The following LRP1B variants were observed in gnomAD, a reference collection of about 807,000 sequenced individuals.
LRP1B encodes the protein LDL receptor related protein 1B.
LRP1B carries 217 observed loss-of-function variants against 556.6 expected under a neutral mutation model. The ratio of observed to expected loss-of-function variants is 0.39; its 90% CI spans 0.35 to 0.44. The LOEUF is 0.44. Among genes scored for constraint, LRP1B ranks in the 20% least tolerant of loss-of-function variants. The pLI, the probability that LRP1B is intolerant of heterozygous loss-of-function variation, is 1.00. For missense variants in LRP1B, 5,053 were observed against 5,620.8 expected (o/e 0.90, Z 3.23); for synonymous variants, 2,047 against 1,865.8 (o/e 1.10, Z -2.50).
At chr2:141,081,035 G>A (rs563201731) in intron 7 of LRP1B, among the ~76,000 whole-genome samples, 1 of 152,206 alleles carries the variant, frequency 6.6e-6, no homozygotes, top group South Asian at 2.1e-4. Context: ...GTTTTGCCAT[G>A]TTTCCCAGGC....
At chr2:140,936,681 G>A (rs750360474) in intron 20 of LRP1B, among the ~76,000 whole-genome samples, 4 of 140,844 alleles carry the variant, frequency 2.8e-5, no homozygotes, top group Non-Finnish European at 6.5e-5. Flanking sequence ...TATACTTCTT[G>A]TTTCCTACAT....
At chr2:140,484,279 C>T (rs997822724) in intron 59 of LRP1B, among the ~76,000 whole-genome samples, 1 of 152,056 alleles carries the variant, frequency 6.6e-6, no homozygotes, top group Admixed American at 6.6e-5. Flanking sequence ...TTAATGTATA[C>T]AGTTAAGCTA....
intron 66 of LRP1B, among the ~76,000 whole-genome samples, chr2:140,398,927 C>T (rs1684372638): frequency 6.6e-6 from 1 of 152,030 alleles, no homozygotes; most frequent in African/African-American, 2.4e-5. Context: ...GTCAGAATTA[C>T]ATTTTTTTAA....
At chr2:140,442,059 T>C (rs769670859) in intron 66 of LRP1B, among the ~76,000 whole-genome samples, 1 of 152,330 alleles carries the variant, frequency 6.6e-6, no homozygotes, top group Non-Finnish European at 1.5e-5. Flanking sequence ...ACAGATGCTT[T>C]TTATTATCTT....
chr2:140,732,891 T>C (rs1229310268), intron 35 of LRP1B, among the ~76,000 whole-genome samples: 1 of 152,290 alleles, frequency 6.6e-6, no homozygotes, highest in African/African-American at 2.4e-5. Context: ...AAGTTTGTGA[T>C]AGAACATCTT....
At chr2:140,539,841 A>C (rs1680068509) in intron 45 of LRP1B, among the ~76,000 whole-genome samples, 1 of 152,194 alleles carries the variant, frequency 6.6e-6, no homozygotes, top group Non-Finnish European at 1.5e-5. Context: ...GAAATTGGCC[A>C]TCTGCATTTA....
At chr2:141,020,353 G>T (rs1698030455) in intron 11 of LRP1B, among the ~76,000 whole-genome samples, 2 of 151,920 alleles carry the variant, frequency 1.3e-5, no homozygotes, top group Non-Finnish European at 2.9e-5. Context: ...ATTAATCATG[G>T]TCATTAACTC....
chr2:141,697,320 C>T (rs2105455556), intron 2 of LRP1B, among the ~76,000 whole-genome samples: 1 of 151,990 alleles, frequency 6.6e-6, no homozygotes, highest in Admixed American at 6.6e-5. Flanking sequence ...AAATAAGGAT[C>T]ATAAAACATA....
Position 140,838,728 on chromosome 2 carries a change from T to A in LRP1B, c.5209+1263A>T, listed in dbSNP as rs552725813. ...TATCCCATCATTTGCATCTTTATGA[T>A]AATAATATCAAAATTGAGGCTTACT... On this transcript the variant is annotated intron_variant, in intron 31 of 90. Coordinates refer to ENST00000389484, the MANE Select transcript of LRP1B (RefSeq NM_018557.3). Among the ~76,000 whole-genome samples, 11 of 151,640 alleles carry A rather than the reference T, an allele frequency of 7.3e-5. No individual in the cohort carries two copies. The East Asian group carries it at 2.1e-3, about 29-fold the overall frequency.
chr2:142,098,304 GA>G (rs1706447911), intron 1 of LRP1B, among the ~76,000 whole-genome samples: 3 of 151,684 alleles, frequency 2.0e-5, no homozygotes, highest in Non-Finnish European at 4.4e-5. Flanking sequence ...AATCTTTGTT[GA>G]TGCTTTTAAA....
At chr2:142,031,755 A>G (rs1033742930) in intron 1 of LRP1B, among the ~76,000 whole-genome samples, 1 of 151,526 alleles carries the variant, frequency 6.6e-6, no homozygotes, top group African/African-American at 2.4e-5. Context: ...CCCTGATTTT[A>G]TGTGTTGAAA....
chr2:141,734,927 C>T (rs1384138457), intron 2 of LRP1B, among the ~76,000 whole-genome samples: 1 of 152,046 alleles, frequency 6.6e-6, no homozygotes, highest in African/African-American at 2.4e-5. Context: ...TCTGTAGAGA[C>T]ATTGTGTTTG....
In LRP1B at chr2:140,286,852, A is replaced by G. The variant is rs1683172422; in HGVS notation, c.12967+10956T>C. ...TAAAATGAAAATTATAAAAATAAAT[A>G]TCTGCATTAATTTTACAATTTACAG... On this transcript the variant is annotated intron_variant, in intron 84 of 90. Coordinates refer to ENST00000389484, the MANE Select transcript of LRP1B (RefSeq NM_018557.3). Among the ~76,000 whole-genome samples the G allele has an allele frequency of 4.0e-5, 6 of 151,862 alleles. No homozygotes were observed. In the South Asian group the frequency reaches 1.2e-3, roughly 31 times the overall value.
At chr2:141,210,984 T>C (rs1430663146) in intron 6 of LRP1B, among the ~76,000 whole-genome samples, 1 of 152,068 alleles carries the variant, frequency 6.6e-6, no homozygotes, top group Non-Finnish European at 1.5e-5. Context: ...TATTTTTTCA[T>C]TTTTCCTATT....
intron 75 of LRP1B, among the ~76,000 whole-genome samples, chr2:140,354,536 A>G (rs1184354071): frequency 1.3e-5 from 2 of 152,072 alleles, no homozygotes; most frequent in Non-Finnish European, 2.9e-5. Context: ...TACAACAAAT[A>G]TTTCTGATTT....
chr2:141,466,966 T>TAC (rs1682230929), intron 3 of LRP1B, among the ~76,000 whole-genome samples: 1 of 150,384 alleles, frequency 6.6e-6, no homozygotes, highest in Non-Finnish European at 1.5e-5. Flanking sequence ...TATATATATA[T>TAC]ATATATCCCT....
chr2:140,669,114 C>T lies in LRP1B; in HGVS notation c.6799+31136G>A, dbSNP rs577326478. On this transcript the variant is annotated intron_variant, in intron 41 of 90. Transcript: ENST00000389484. ...AGAGAACTGGGTATCAGGGTATCTG[C>T]ATTCAAGTGCTTGCTTTGTCATTCA... is the stretch of plus-strand genomic sequence containing the variant. Among the ~76,000 whole-genome samples the T allele has an allele frequency of 1.7e-4, 26 of 152,238 alleles. No homozygotes were observed. The South Asian group carries it at 5.0e-3, about 29-fold the overall frequency.
At chr2:140,514,804 A>T (rs1400318157) in intron 50 of LRP1B, 32 bp from the exon 51 acceptor site, 6 of 1,590,070 alleles carry the variant, frequency 3.8e-6, no homozygotes, top group African/African-American at 1.4e-5. Context: ...AAAAAAAAAT[A>T]GTTTGAGACC....
intron 35 of LRP1B, among the ~76,000 whole-genome samples, chr2:140,747,842 G>A (rs114887520): frequency 1.3e-5 from 2 of 151,824 alleles, no homozygotes; most frequent in Admixed American, 6.6e-5. Flanking sequence ...AACTCTGAAA[G>A]TGTGTAAAGC....
Sources: allele counts gnomAD v4.1 joint callset (sites outside exome capture counted in the v4.1 genomes callset), GRCh38; gene constraint gnomAD v4.1.1; transcripts MANE v1.5; gene names NCBI Gene and HGNC (gene_info 2026-07-23, HGNC 2026-07-21).